DPF3: variants seen among roughly 807,000 people sequenced by gnomAD.
The protein encoded by DPF3 is double PHD fingers 3, also known as zinc finger protein DPF3.
In DPF3, 18 loss-of-function variants were observed where a neutral mutation model predicts 56.8. The ratio of observed to expected loss-of-function variants is 0.32; its 90% CI spans 0.22 to 0.47. DPF3 has a LOEUF of 0.47. DPF3 is among the 20% of genes least tolerant of loss of function. DPF3 has a pLI of 1.00. For missense variants in DPF3, 403 were observed against 488.8 expected (o/e 0.82, Z 1.65); for synonymous variants, 188 against 180.2 (o/e 1.04, Z -0.35).
chr14:72,712,601 A>G (rs1888702628), intron 6 of DPF3, among the ~76,000 whole-genome samples: 1 of 152,218 alleles, frequency 6.6e-6, no homozygotes, highest in Admixed American at 6.5e-5. Context: ...GGCTGGGTGC[A>G]GTGGCTCACA....
At chr14:72,854,996 TTAA>T (rs1372068731) in intron 1 of DPF3, among the ~76,000 whole-genome samples, 2 of 152,170 alleles carry the variant, frequency 1.3e-5, no homozygotes, top group East Asian at 3.8e-4. Context: ...ACCTTTAATA[TTAA>T]TAAGACTTGT....
chr14:72,659,943 C>A (rs1490805804), intron 8 of DPF3, among the ~76,000 whole-genome samples: 1 of 152,096 alleles, frequency 6.6e-6, no homozygotes, highest in South Asian at 2.1e-4. Flanking sequence ...TGAAATAAGT[C>A]CGTGACAAAA....
intron 3 of DPF3, among the ~76,000 whole-genome samples, chr14:72,744,091 T>C (rs1201215851): frequency 6.6e-6 from 1 of 152,200 alleles, no homozygotes; most frequent in Non-Finnish European, 1.5e-5. Flanking sequence ...AAAGAGTTCT[T>C]CCCAGATCTC....
intron 6 of DPF3, among the ~76,000 whole-genome samples, chr14:72,709,431 A>C (rs1888558636): frequency 6.6e-6 from 1 of 152,188 alleles, no homozygotes; most frequent in African/African-American, 2.4e-5. Flanking sequence ...TGGAAATCAT[A>C]TAATTCCTTC....
chr14:72,632,739 G>A (rs1885239764), intron 8 of DPF3, among the ~76,000 whole-genome samples: 1 of 139,056 alleles, frequency 7.2e-6, no homozygotes, highest in Non-Finnish European at 1.6e-5. Flanking sequence ...AAGAAGGGAA[G>A]GAGGGAAGGA....
At chr14:72,879,210 G>A (rs752636067) in intron 1 of DPF3, among the ~76,000 whole-genome samples, 7 of 151,860 alleles carry the variant, frequency 4.6e-5, no homozygotes, top group Non-Finnish European at 1.0e-4. Context: ...ATGGTGAAAC[G>A]CCATCTCTAC....
chr14:72,837,532 G>A lies in DPF3; in HGVS notation c.32+56525C>T, dbSNP rs568659003. On this transcript the variant is annotated intron_variant, in intron 1 of 10. Coordinates refer to ENST00000556509, the MANE Select transcript of DPF3 (RefSeq NM_001280542.3). ...GCGGGTGGATCATCAGAGGTCAGGA[G>A]TTCGAGACCAGCCTGGCCAACATGG... is the stretch of plus-strand genomic sequence containing the variant. 3.9e-5 allele frequency among the ~76,000 whole-genome samples: 6 copies of A among 152,136 alleles called. No homozygotes were observed. In the South Asian group the frequency reaches 1.2e-3, roughly 32 times the overall value.
chr14:72,823,790 A>C lies in DPF3; in HGVS notation c.33-51897T>G, dbSNP rs553318634. Among the ~76,000 whole-genome samples, 7 of 152,316 alleles carry C rather than the reference A, an allele frequency of 4.6e-5. No individual in the cohort carries two copies. In the South Asian group the frequency reaches 1.5e-3, roughly 32 times the overall value. On this transcript the variant is annotated intron_variant, in intron 1 of 10. Transcript: ENST00000556509. ...GATACTTGTTTGCAATAAAACAGAG[A>C]GTAGGAAACTCCATTCTTACCTTCA... is the stretch of plus-strand genomic sequence containing the variant.
chr14:72,800,517 G>T (rs1053147346), intron 1 of DPF3, among the ~76,000 whole-genome samples: 1 of 151,834 alleles, frequency 6.6e-6, no homozygotes, highest in Non-Finnish European at 1.5e-5. Flanking sequence ...TGGATGGATG[G>T]ATGGTTGCAT....
At chr14:72,804,829 G>T (rs1325862010) in intron 1 of DPF3, among the ~76,000 whole-genome samples, 1 of 152,156 alleles carries the variant, frequency 6.6e-6, no homozygotes, top group Non-Finnish European at 1.5e-5. Context: ...CTGAGTCCTG[G>T]GAGGTGTCAT....
intron 1 of DPF3, among the ~76,000 whole-genome samples, chr14:72,860,507 G>C (rs953877603): frequency 3.3e-5 from 5 of 150,740 alleles, no homozygotes; most frequent in African/African-American, 1.2e-4. Context: ...CTTAAATTTC[G>C]TGTTATAAGG....
rs1883694740 is a variant in DPF3 at position 72,611,095 on chromosome 14, G to A, written c.*8202C>T. On this transcript the variant is annotated 3_prime_UTR_variant, in exon 11 of 11. Coordinates refer to ENST00000556509, the MANE Select transcript of DPF3 (RefSeq NM_001280542.3). The stretch of plus-strand genomic sequence containing the variant: ...GAGTCATGTGCCATCCAGGGCCCCA[G>A]AGGAGCCTTCCCTTGGGCCACCCCC... Among the ~76,000 whole-genome samples, 1 of 152,160 alleles carries A rather than the reference G, an allele frequency of 6.6e-6. No individual in the cohort carries two copies. The highest frequency in any genetic ancestry group is 1.5e-5 in the Non-Finnish European group (1 of 68,026).
At chr14:72,755,553 C>T (rs534040906) in intron 2 of DPF3, among the ~76,000 whole-genome samples, 1 of 152,294 alleles carries the variant, frequency 6.6e-6, no homozygotes, top group African/African-American at 2.4e-5. Flanking sequence ...TTAATACCTA[C>T]CTCCTGGGGC....
chr14:72,740,664 C>T (rs757890687), intron 3 of DPF3, among the ~76,000 whole-genome samples: 2 of 152,208 alleles, frequency 1.3e-5, no homozygotes, highest in Non-Finnish European at 2.9e-5. Flanking sequence ...AGAAAGTGGA[C>T]CAGCCCAGGC....
chr14:72,672,008 ATACATGTGCACGTG>A (rs1208625764), intron 8 of DPF3, among the ~76,000 whole-genome samples: 1 of 151,834 alleles, frequency 6.6e-6, no homozygotes, highest in African/African-American at 2.4e-5. Context: ...CTGCATCCAC[ATACATGTGCACGTG>A]TGCACACCAC....
At chr14:72,642,600 C>T (rs1329437887) in intron 8 of DPF3, among the ~76,000 whole-genome samples, 1 of 152,204 alleles carries the variant, frequency 6.6e-6, no homozygotes, top group Non-Finnish European at 1.5e-5. Context: ...AGTGCATCTG[C>T]CTTCGGTTTC....
At chr14:72,722,964 G>C (rs1889242804) in intron 5 of DPF3, among the ~76,000 whole-genome samples, 1 of 151,680 alleles carries the variant, frequency 6.6e-6, no homozygotes, top group Non-Finnish European at 1.5e-5. Context: ...CAAACCCACT[G>C]GGAGCCACCA....
At chr14:72,794,620 C>A (rs1892563971) in intron 1 of DPF3, among the ~76,000 whole-genome samples, 1 of 152,120 alleles carries the variant, frequency 6.6e-6, no homozygotes, top group Non-Finnish European at 1.5e-5. Flanking sequence ...CACTGGGTCA[C>A]AAAGGAGGAG....
intron 6 of DPF3, among the ~76,000 whole-genome samples, chr14:72,702,592 C>T (rs1888217808): frequency 6.6e-6 from 1 of 152,142 alleles, no homozygotes. Flanking sequence ...AAGTTTGGGG[C>T]CACCAACACC....
Sources: gnomAD v4.1 joint callset for allele counts (sites outside exome capture counted in the v4.1 genomes callset) on GRCh38, gnomAD v4.1.1 for gene constraint, MANE v1.5 for transcripts, NCBI Gene and HGNC (gene_info 2026-07-23, HGNC 2026-07-21) for gene names.